PTTG1IP: variants seen among roughly 807,000 people sequenced by gnomAD.
PTTG1IP encodes pituitary tumor-transforming gene 1 protein-interacting protein.
PTTG1IP carries 16 observed loss-of-function variants against 24.4 expected under a neutral mutation model. That is an observed-to-expected ratio of 0.66 (90% CI 0.44 to 1.00). The LOEUF (loss-of-function observed/expected upper bound fraction) is 1.00, where lower values mean the gene tolerates loss of function less well. Ranked by LOEUF, PTTG1IP falls within the 50% of genes least tolerant of loss-of-function variation. The probability of loss-of-function intolerance (pLI) is 0.00; values close to 1 mark genes in which losing one functional copy is unlikely to be tolerated. For synonymous variants in PTTG1IP, 89 were observed against 96.8 expected (o/e 0.92, Z 0.47); for missense variants, 241 against 245.8 (o/e 0.98, Z 0.13).
chr21:44,870,525 CAAAAAAAAAAAAA>C (rs60436978), intron 1 of PTTG1IP, among the ~76,000 whole-genome samples: 1 of 76,964 alleles, frequency 1.3e-5, no homozygotes, highest in Non-Finnish European at 2.4e-5. Context: ...GACTCCATCT[CAAAAAAAAAAAAA>C]AAAAAAAAAA....
intron 1 of PTTG1IP, among the ~76,000 whole-genome samples, chr21:44,872,147 AC>A (rs913480277): frequency 1.6e-4 from 24 of 152,122 alleles, no homozygotes; most frequent in Non-Finnish European, 2.9e-4. Flanking sequence ...CTGCCTGCAG[AC>A]GCCCATTCTG....
At position 44,851,385 on chromosome 21, in the gene PTTG1IP, AGG is replaced by A. The variant is rs773531927; in HGVS notation, c.*194_*195del. On this transcript the variant is annotated 3_prime_UTR_variant, in exon 6 of 6. Transcript: ENST00000330938. ...ACTAAATCTAGAAACAGAGATGAAC[AGG>A]GAATAGAAGGTCACCAGTCTGCAAG... 1 of 1,532,866 alleles carries A rather than the reference AGG, an allele frequency of 6.5e-7. No individual in the cohort carries two copies. The highest frequency in any genetic ancestry group is 1.2e-5 in the South Asian group (1 of 85,862). 95.0% of individuals were successfully genotyped at this position (1,532,866 alleles called of 1,614,324 possible).
rs150010960 is a variant in PTTG1IP at position 44,862,197 on chromosome 21, G to A, written c.169-926C>T. On this transcript the variant is annotated intron_variant, in intron 2 of 5. Coordinates refer to ENST00000330938, the MANE Select transcript of PTTG1IP (RefSeq NM_004339.4). ...AGCGTGACAGGGGACAGCCTAGCAC[G>A]CAGGCAGATGGCACAGGAAGGGGTG... 2.2e-3 allele frequency among the ~76,000 whole-genome samples: 331 copies of A among 152,330 alleles called. 1 individual carries two copies. The highest frequency in any genetic ancestry group is 9.5e-3 in the South Asian group (46 of 4,830).
chr21:44,861,680 G>A (rs1177912440), intron 2 of PTTG1IP: 19 of 714,542 alleles, frequency 2.7e-5, no homozygotes, highest in African/African-American at 1.9e-4. Context: ...GCCCTGCCTC[G>A]ATCAACAGAC....
At chr21:44,864,804 C>A (rs756035363) in intron 2 of PTTG1IP, among the ~76,000 whole-genome samples, 1 of 152,212 alleles carries the variant, frequency 6.6e-6, no homozygotes, top group Non-Finnish European at 1.5e-5. Flanking sequence ...GAAGGCACCC[C>A]GGGGAGTCTC....
chr21:44,873,496 C>T lies in PTTG1IP; in HGVS notation c.115+6G>A, dbSNP rs1235540538. ...TTCGCGGCCCCGCCCGCCCCGGCGC[C>T]CTCACCAGCTCCGGGAGGCTCCTGC... is the stretch of plus-strand genomic sequence containing the variant. On this transcript the variant is annotated splice_donor_region_variant and intron_variant, in intron 1 of 5. Coordinates refer to ENST00000330938, the MANE Select transcript of PTTG1IP (RefSeq NM_004339.4). The T allele has an allele frequency of 7.0e-7, 1 of 1,420,564 alleles. No homozygotes were observed. Among genetic ancestry groups the T allele is most frequent in the Non-Finnish European group, 9.2e-7 (1 of 1,092,368 alleles). 88.0% of individuals were successfully genotyped at this position (1,420,564 alleles called of 1,614,324 possible).
chr21:44,865,809 C>T, intron 1 of PTTG1IP: 1 of 313,828 alleles, frequency 3.2e-6, no homozygotes, highest in South Asian at 4.7e-5. Flanking sequence ...CCTGCTGGGA[C>T]CTTCTGCTCA....
chr21:44,851,279 C>T lies in PTTG1IP; in HGVS notation c.*302G>A, dbSNP rs1402648321. ...AGCCACAGCGCTGGGTGCCGTCAGG[C>T]GGCTTCGTGTGCAGTTAGCGTTTCA... On this transcript the variant is annotated 3_prime_UTR_variant, in exon 6 of 6. Transcript: ENST00000330938. 36 of 1,397,030 alleles carry T rather than the reference C, an allele frequency of 2.6e-5. No homozygotes were observed. Among genetic ancestry groups the T allele is most frequent in the Non-Finnish European group, 3.3e-5 (35 of 1,055,778 alleles). 86.5% of individuals were successfully genotyped at this position (1,397,030 alleles called of 1,614,324 possible). A position where few individuals can be genotyped will look rare whatever the true frequency, so the allele number is the denominator to read the frequency against.
rs1372141543 is a variant in PTTG1IP at position 44,851,206 on chromosome 21, T to C, written c.*375A>G. On this transcript the variant is annotated 3_prime_UTR_variant, in exon 6 of 6. Coordinates refer to ENST00000330938, the MANE Select transcript of PTTG1IP (RefSeq NM_004339.4). ...GACTTCCCTGTGTTGCGTGTGAAGC[T>C]TGTTAGTGGACAGAGAGAAACGCAG... 2.3e-5 allele frequency: 21 copies of C among 897,060 alleles called. No homozygotes were observed. The East Asian group carries it at 5.6e-4, about 24-fold the overall frequency. The allele number at this position is 897,060 out of a possible 1,614,324, so 55.6% of individuals were successfully genotyped here.
chr21:44,853,528 A>G (rs62221466), intron 5 of PTTG1IP, among the ~76,000 whole-genome samples: 1 of 146,836 alleles, frequency 6.8e-6, no homozygotes, highest in African/African-American at 2.5e-5. Context: ...AAAAAAAAAA[A>G]TTAGGTGCCA....
chr21:44,860,371 A>T (rs1443735165), intron 3 of PTTG1IP, among the ~76,000 whole-genome samples: 1 of 152,162 alleles, frequency 6.6e-6, no homozygotes, highest in African/African-American at 2.4e-5. Context: ...ATAAATAAAT[A>T]AAGGCAAACT....
At chr21:44,868,426 T>C (rs1342597373) in intron 1 of PTTG1IP, among the ~76,000 whole-genome samples, 1 of 152,184 alleles carries the variant, frequency 6.6e-6, no homozygotes, top group Non-Finnish European at 1.5e-5. Context: ...GGTTTCTACG[T>C]GCTGTTCCCC....
chr21:44,857,418 T>C (rs2146457109), intron 3 of PTTG1IP, among the ~76,000 whole-genome samples: 1 of 152,172 alleles, frequency 6.6e-6, no homozygotes, highest in Middle Eastern at 3.4e-3. Flanking sequence ...GCTTGGGAGG[T>C]TGAGGCTGCA....
At chr21:44,859,205 G>C (rs1468772038) in intron 3 of PTTG1IP, among the ~76,000 whole-genome samples, 1 of 152,196 alleles carries the variant, frequency 6.6e-6, no homozygotes, top group Non-Finnish European at 1.5e-5. Flanking sequence ...TAAAGCACAG[G>C]ATTTCCTCCA....
At chr21:44,862,976 G>A (rs1269220952) in intron 2 of PTTG1IP, among the ~76,000 whole-genome samples, 1 of 151,954 alleles carries the variant, frequency 6.6e-6, no homozygotes, top group Non-Finnish European at 1.5e-5. Flanking sequence ...GCACTGGGAG[G>A]ATACGGTGTT....
chr21:44,864,748 C>T (rs1379771548), intron 2 of PTTG1IP, among the ~76,000 whole-genome samples: 7 of 152,252 alleles, frequency 4.6e-5, no homozygotes, highest in East Asian at 3.8e-4. Context: ...TTCCCCACCA[C>T]GGGTGCTCCT....
chr21:44,853,756 G>A (rs2083428366), intron 5 of PTTG1IP, among the ~76,000 whole-genome samples: 1 of 152,160 alleles, frequency 6.6e-6, no homozygotes, highest in Non-Finnish European at 1.5e-5. Flanking sequence ...GTGGGGCAAG[G>A]ACAAGGCAGC....
chr21:44,867,627 TGTCTGTGACTGATGCTCAC>T (rs891712763), intron 1 of PTTG1IP, among the ~76,000 whole-genome samples: 3 of 152,274 alleles, frequency 2.0e-5, no homozygotes, highest in Non-Finnish European at 4.4e-5. Flanking sequence ...AGCACGCTCA[TGTCTGTGACTGATGCTCAC>T]GTCTGTGACT....
chr21:44,860,170 C>G (rs535577588), intron 3 of PTTG1IP, among the ~76,000 whole-genome samples: 79 of 152,216 alleles, frequency 5.2e-4, no homozygotes, highest in African/African-American at 1.7e-3. Context: ...AGATCGAGAC[C>G]ATCCTGGCTA....
Sources: gnomAD v4.1 joint callset for allele counts (sites outside exome capture counted in the v4.1 genomes callset) on GRCh38, gnomAD v4.1.1 for gene constraint, MANE v1.5 for transcripts, NCBI Gene and HGNC (gene_info 2026-07-23, HGNC 2026-07-21) for gene names.